NAALADL2: variants seen among roughly 807,000 people sequenced by gnomAD.
NAALADL2 encodes N-acetylated alpha-linked acidic dipeptidase like 2.
A neutral mutation model predicts 87.2 loss-of-function variants in NAALADL2; 76 were observed. The ratio of observed to expected loss-of-function variants is 0.87; its 90% confidence interval spans 0.72 to 1.05. NAALADL2 has a LOEUF of 1.05. Ranked by LOEUF, NAALADL2 falls within the 50% of genes least tolerant of loss-of-function variation. NAALADL2 has a pLI of 0.00. For synonymous variants in NAALADL2, 354 were observed against 331.0 expected (o/e 1.07, Z -0.75); for missense variants, 1,089 against 945.8 (o/e 1.15, Z -1.99).
intron 5 of NAALADL2, among the ~76,000 whole-genome samples, chr3:175,402,861 G>A (rs571623774): frequency 4.6e-5 from 7 of 152,220 alleles, no homozygotes; most frequent in Non-Finnish European, 1.0e-4. Context: ...TGCTGTAAAT[G>A]ATTGGTTGAT....
intron 9 of NAALADL2, among the ~76,000 whole-genome samples, chr3:175,490,695 A>G (rs1374065736): frequency 6.6e-6 from 1 of 151,914 alleles, no homozygotes; most frequent in East Asian, 1.9e-4. Context: ...GCGCCGGACC[A>G]TAAGTAACTA....
chr3:175,024,567 T>C (rs907065078), intron 1 of NAALADL2, among the ~76,000 whole-genome samples: 1 of 152,112 alleles, frequency 6.6e-6, no homozygotes, highest in Non-Finnish European at 1.5e-5. Context: ...TGAGAAAAAC[T>C]AAATGGCACA....
intron 1 of NAALADL2, among the ~76,000 whole-genome samples, chr3:175,076,238 A>T (rs1412626719): frequency 1.3e-5 from 2 of 152,118 alleles, no homozygotes; most frequent in African/African-American, 4.8e-5. Context: ...CAAAACAATG[A>T]AAATGAAAAA....
At chr3:175,206,258 ATATATTTTTTTT>A (rs1312793253) in intron 2 of NAALADL2, among the ~76,000 whole-genome samples, 2 of 91,846 alleles carry the variant, frequency 2.2e-5, no homozygotes, top group Non-Finnish European at 3.7e-5. Flanking sequence ...ATATATATAT[ATATATTTTTTTT>A]TTTCACTGTG....
At chr3:175,284,603 T>C (rs535659537) in intron 4 of NAALADL2, among the ~76,000 whole-genome samples, 2 of 152,238 alleles carry the variant, frequency 1.3e-5, no homozygotes, top group East Asian at 3.9e-4. Flanking sequence ...TTCACATTCA[T>C]TTGGCAGTGA....
At chr3:175,589,151 T>C (rs887711883) in intron 10 of NAALADL2, among the ~76,000 whole-genome samples, 1 of 152,208 alleles carries the variant, frequency 6.6e-6, no homozygotes, top group African/African-American at 2.4e-5. Flanking sequence ...TGGTTAAGAA[T>C]TTAATCTGAA....
At chr3:174,572,611 AG>A (rs1310103341) in intron 2 of NAALADL2, among the ~76,000 whole-genome samples, 1 of 152,214 alleles carries the variant, frequency 6.6e-6, no homozygotes, top group Non-Finnish European at 1.5e-5. Context: ...AAATTAAGGA[AG>A]ATCTACCTAT....
intron 1 of NAALADL2, among the ~76,000 whole-genome samples, chr3:175,032,259 A>G (rs114838562): frequency 0.069 from 10,506 of 152,056 alleles, 395 homozygotes; most frequent in Middle Eastern, 0.13. Context: ...ATAATTTTAA[A>G]CAAAATTGTT....
intron 2 of NAALADL2, among the ~76,000 whole-genome samples, chr3:174,582,707 G>A (rs1475754469): frequency 2.0e-5 from 3 of 151,702 alleles, no homozygotes; most frequent in Non-Finnish European, 4.4e-5. Context: ...TCAGCCTCCC[G>A]AGTAGCTGGG....
intron 5 of NAALADL2, among the ~76,000 whole-genome samples, chr3:175,351,707 G>A (rs1211324423): frequency 6.6e-6 from 1 of 152,034 alleles, no homozygotes; most frequent in African/African-American, 2.4e-5. Flanking sequence ...TATCTTCAGG[G>A]TATTAATGAA....
At chr3:175,004,588 A>G (rs981390457) in intron 1 of NAALADL2, among the ~76,000 whole-genome samples, 2 of 151,996 alleles carry the variant, frequency 1.3e-5, no homozygotes, top group African/African-American at 4.8e-5. Flanking sequence ...GTGAGGAAGT[A>G]TAAGAAAATA....
intron 4 of NAALADL2, among the ~76,000 whole-genome samples, chr3:175,321,179 A>C (rs1280828927): frequency 6.8e-6 from 1 of 147,092 alleles, no homozygotes; most frequent in Non-Finnish European, 1.5e-5. Flanking sequence ...AGGCTGGTTC[A>C]ATATACGCAA....
At chr3:174,735,944 G>C (rs563250778) in intron 2 of NAALADL2, among the ~76,000 whole-genome samples, 1 of 152,268 alleles carries the variant, frequency 6.6e-6, no homozygotes, top group East Asian at 1.9e-4. Flanking sequence ...GTGGTGAGGG[G>C]TGTGTGAGTG....
chr3:174,722,189 T>A (rs1048885320), intron 2 of NAALADL2, among the ~76,000 whole-genome samples: 1 of 152,202 alleles, frequency 6.6e-6, no homozygotes, highest in African/African-American at 2.4e-5. Flanking sequence ...ATCCTCCATG[T>A]TCCTGGAAAT....
intron 9 of NAALADL2, among the ~76,000 whole-genome samples, chr3:175,544,874 C>G (rs1225827375): frequency 6.6e-6 from 1 of 152,068 alleles, no homozygotes; most frequent in Non-Finnish European, 1.5e-5. Context: ...TGTCCCCCAT[C>G]CAAGATATTT....
chr3:174,476,102 A>C (rs1455860114), intron 1 of NAALADL2, among the ~76,000 whole-genome samples: 1 of 152,052 alleles, frequency 6.6e-6, no homozygotes, highest in Non-Finnish European at 1.5e-5. Context: ...ATATCTAATG[A>C]ATGAAATAAT....
At chr3:174,507,779 T>A (rs1719293462) in intron 1 of NAALADL2, among the ~76,000 whole-genome samples, 1 of 152,136 alleles carries the variant, frequency 6.6e-6, no homozygotes, top group African/African-American at 2.4e-5. Flanking sequence ...TCCCACAACT[T>A]GTTTATCCAC....
intron 3 of NAALADL2, among the ~76,000 whole-genome samples, chr3:174,782,324 G>C (rs1363444784): frequency 1.6e-4 from 25 of 152,094 alleles, no homozygotes; most frequent in Admixed American, 1.6e-3. Flanking sequence ...TGTTTTAATA[G>C]AGTAATTCTG....
intron 2 of NAALADL2, among the ~76,000 whole-genome samples, chr3:175,209,973 A>G (rs1402942260): frequency 2.0e-5 from 3 of 151,904 alleles, no homozygotes; most frequent in Non-Finnish European, 4.4e-5. Flanking sequence ...CCCTGAAAAT[A>G]GCCAACGAAT....
Sources: allele counts gnomAD v4.1 joint callset (sites outside exome capture counted in the v4.1 genomes callset), GRCh38; gene constraint gnomAD v4.1.1; transcripts MANE v1.5; gene names NCBI Gene and HGNC (gene_info 2026-07-23, HGNC 2026-07-21).